Variants in KCNAB3 observed in about 807,000 individuals in gnomAD.
KCNAB3 encodes voltage-gated potassium channel subunit beta-3.
A neutral mutation model predicts 67.7 loss-of-function variants in KCNAB3; 62 were observed. That is an observed-to-expected ratio of 0.92 (90% confidence interval 0.75 to 1.13). KCNAB3 has a LOEUF of 1.13. Ranked by LOEUF, KCNAB3 falls within the 50% of genes most tolerant of loss-of-function variation. The pLI is 0.00. For missense variants in KCNAB3, 514 were observed against 522.9 expected, an observed-to-expected ratio of 0.98 and a Z score of 0.17; for synonymous variants, 212 against 205.4, an observed-to-expected ratio of 1.03 and a Z score of -0.27.
Position 7,924,500 on chromosome 17 carries a change from T to G in KCNAB3, c.626A>C (p.Glu209Ala), listed in dbSNP as rs758893161. 1 of 1,613,066 alleles carries G rather than the reference T, an allele frequency of 6.2e-7. No individual in the cohort carries two copies. The highest frequency in any genetic ancestry group is 1.1e-5 in the South Asian group (1 of 90,992). The change falls in exon 9 of 14, where the codon GAG becomes GCG. Residue 209 changes from glutamate to alanine, a missense_variant and splice_region_variant. Coordinates refer to ENST00000303790, the MANE Select transcript of KCNAB3 (RefSeq NM_004732.4). ...NRSDPNCPME[E>A]IVRAMTYVIN... ...GACATAGGTCATGGCTCGCACAATC[T>G]CTAGGTACACAGGAGAGGGAAAGCC... is the stretch of plus-strand genomic sequence containing the variant.
In KCNAB3 at chr17:7,929,833, C is replaced by CTTCT; in HGVS notation, c.-399_-398insAGAA. 4.9e-6 allele frequency: 5 copies of CTTCT among 1,028,750 alleles called. No homozygotes were observed. The highest frequency in any genetic ancestry group is 3.5e-5 in the South Asian group (1 of 28,582). 63.7% of individuals were successfully genotyped at this position (1,028,750 alleles called of 1,614,324 possible). Reference sequence around the variant, plus strand: ...GCTGCGGGACCCGCTGGGCTCCCAGCCGCGTCGGCAGCGGGCCCAGCTCAT... The same window carrying CTTCT: ...GCTGCGGGACCCGCTGGGCTCCCAGCTTCTCGCGTCGGCAGCGGGCCCAGCTCAT... On this transcript the variant is annotated 5_prime_UTR_variant, in exon 1 of 14. Transcript: ENST00000303790. The surrounding 1 kb of genome is among the most constrained non-coding windows in gnomAD (Gnocchi z 5.7).
In KCNAB3 at chr17:7,929,009, A is replaced by T; in HGVS notation, c.242+185T>A. On this transcript the variant is annotated intron_variant, in intron 1 of 13. Transcript: ENST00000303790. The surrounding 1 kb of genome is among the most constrained non-coding windows in gnomAD (Gnocchi z 5.7). The stretch of plus-strand genomic sequence containing the variant: ...CAACCTTGGTAAACTTGATTCTCGT[A>T]GTCAGGGGTATCGACAGAAACCAAG... 1 of 917,270 alleles carries T rather than the reference A, an allele frequency of 1.1e-6. No individual in the cohort carries two copies. Among genetic ancestry groups the T allele is most frequent in the Non-Finnish European group, 1.6e-6 (1 of 621,866 alleles). 56.8% of individuals were successfully genotyped at this position (917,270 alleles called of 1,614,324 possible). A position where few individuals can be genotyped will look rare whatever the true frequency, so the allele number is the denominator to read the frequency against.
chr17:7,925,030 G>T, intron 8 of KCNAB3, 67 bp downstream of exon 8: 1 of 1,432,308 alleles, frequency 7.0e-7, no homozygotes, highest in Non-Finnish European at 9.8e-7. Flanking sequence ...ACAGGAATGA[G>T]CCACCGCACC....
chr17:7,923,675 G>A, intron 12 of KCNAB3, 36 bp downstream of exon 12: 3 of 1,553,100 alleles, frequency 1.9e-6, no homozygotes, highest in Non-Finnish European at 2.6e-6. Context: ...AGCATGTCAG[G>A]AGGAGACAGG....
In KCNAB3 at chr17:7,925,168, A is replaced by G; in HGVS notation, c.554T>C (p.Leu185Pro). Residue 185 changes from leucine (L) to proline (P), a missense_variant, in exon 8 of 14, where the codon CTG (leucine) becomes CCG (proline). By Grantham distance (98) the Leu-to-Pro change is moderately conservative. Transcript: ENST00000303790. ...CACGTATCCCAGCTGGAGGCGTTCC[A>G]GGGATCCTCGCAAGCCTGGAGGTGG... is the stretch of plus-strand genomic sequence containing the variant. ...KHIIEGLRGS[L>P]ERLQLGYVDI... is the part of the protein sequence containing the mutation. 3 of 1,613,544 alleles carry G rather than the reference A, an allele frequency of 1.9e-6. No individual in the cohort carries two copies. Among genetic ancestry groups the G allele is most frequent in the Non-Finnish European group, 2.5e-6 (3 of 1,179,678 alleles).
rs1450378568 is a variant in KCNAB3 at position 7,929,087 on chromosome 17, G to T, written c.242+107C>A. ...GACAGAAAGAAGAGATGGAAAGAAGGGAGACCTACTTAGTGAAGTTTGAAG... is the reference window on the plus strand; with the variant it reads ...GACAGAAAGAAGAGATGGAAAGAAGTGAGACCTACTTAGTGAAGTTTGAAG... On this transcript the variant is annotated intron_variant, in intron 1 of 13. Coordinates refer to ENST00000303790, the MANE Select transcript of KCNAB3 (RefSeq NM_004732.4). This position sits in a 1 kb window ranked among gnomAD's most constrained non-coding sequence, Gnocchi z 5.7. 2.0e-6 allele frequency: 3 copies of T among 1,481,390 alleles called. No homozygotes were observed. Among genetic ancestry groups the T allele is most frequent in the Non-Finnish European group, 2.7e-6 (3 of 1,106,074 alleles). 91.8% of individuals were successfully genotyped at this position (1,481,390 alleles called of 1,614,324 possible).
At chr17:7,927,483 C>T in intron 3 of KCNAB3, 60 bp from the exon 4 acceptor site, 1 of 1,556,372 alleles carries the variant, frequency 6.4e-7, no homozygotes, top group Non-Finnish European at 8.9e-7. Context: ...CCTCACTGTA[C>T]TCTAACCCAT....
At chr17:7,924,704 G>T (rs1393730348) in intron 8 of KCNAB3, 4 of 1,352,064 alleles carry the variant, frequency 3.0e-6, no homozygotes, top group Non-Finnish European at 2.8e-6. Context: ...CTGAGCAGGG[G>T]CTGGCTTCCT....
Position 7,929,179 on chromosome 17 carries a change from C to T in KCNAB3, c.242+15G>A, listed in dbSNP as rs368947058. On this transcript the variant is annotated intron_variant, in intron 1 of 13. Coordinates refer to ENST00000303790, the MANE Select transcript of KCNAB3 (RefSeq NM_004732.4). The surrounding 1 kb of genome is among the most constrained non-coding windows in gnomAD (Gnocchi z 5.7). Reference sequence around the variant, plus strand: ...AGGAAAGCGGAAGGGGTGGGCTGCCCGGCCACCCCCATACCTGTATTTCAT... The same window carrying T: ...AGGAAAGCGGAAGGGGTGGGCTGCCTGGCCACCCCCATACCTGTATTTCAT... The T allele has an allele frequency of 8.5e-4, 1,361 of 1,610,474 alleles. 1 individual carries two copies. Among genetic ancestry groups the T allele is most frequent in the Non-Finnish European group, 1.1e-3 (1,272 of 1,179,120 alleles).
chr17:7,924,284 A>C lies in KCNAB3; in HGVS notation c.712-19T>G. On this transcript the variant is annotated intron_variant, in intron 9 of 13. Transcript: ENST00000303790. ...AGGCCTCCTGGGTTGGGGTTGGGGAAAAGAAAGTGGTCAGAGCACTACTTC... is the reference window on the plus strand; with the variant it reads ...AGGCCTCCTGGGTTGGGGTTGGGGACAAGAAAGTGGTCAGAGCACTACTTC... The C allele has an allele frequency of 6.2e-7, 1 of 1,613,920 alleles. No individual in the cohort carries two copies. The highest frequency in any genetic ancestry group is 8.5e-7 in the Non-Finnish European group (1 of 1,179,926).
rs1388525184 is a variant in KCNAB3 at position 7,929,239 on chromosome 17, C to T, written c.197G>A (p.Gly66Glu). ...TCGGCCGGTGCTCTCTCGGAGGGCCCCAGCGGGCGCTGGGGGTCGGGGAAC... is the reference window on the plus strand; with the variant it reads ...TCGGCCGGTGCTCTCTCGGAGGGCCTCAGCGGGCGCTGGGGGTCGGGGAAC... The part of the protein sequence containing the change: ...ALVPRPPAPA[G>E]ALRESTGRGT... The change falls in exon 1 of 14, where the codon GGG (glycine) becomes GAG (glutamate). Residue 66 changes from glycine to glutamate, a missense_variant. By Grantham distance (98) the Gly-to-Glu change is moderately conservative (BLOSUM62 -2). Coordinates refer to ENST00000303790, the MANE Select transcript of KCNAB3 (RefSeq NM_004732.4). The surrounding 1 kb of genome is among the most constrained non-coding windows in gnomAD (Gnocchi z 5.7). 5 of 1,610,296 alleles carry T rather than the reference C, an allele frequency of 3.1e-6. No homozygotes were observed. In the South Asian group the frequency reaches 4.4e-5, roughly 14 times the overall value.
At chr17:7,924,748 T>C in intron 8 of KCNAB3, 1 of 1,255,648 alleles carries the variant, frequency 8.0e-7, no homozygotes, top group Non-Finnish European at 1.0e-6. Flanking sequence ...AATTTTTGTA[T>C]TTTAGATTTT....
chr17:7,925,936 TC>T lies in KCNAB3; in HGVS notation c.488del (p.Gly163GlufsTer10), dbSNP rs1567892392. ...SYVITTKIFW[G>X]GQAETERGLS... The stretch of plus-strand genomic sequence containing the variant: ...GCAGTGGGGCAGCCACTTACTGTCC[TC>T]CCCAAAAAATCTTGGTAGTGATGAC... On this transcript the variant is annotated frameshift_variant, in exon 6 of 14. Coordinates refer to ENST00000303790, the MANE Select transcript of KCNAB3 (RefSeq NM_004732.4). LOFTEE classifies it high-confidence loss of function. The T allele has an allele frequency of 6.3e-7, 1 of 1,575,290 alleles. No homozygotes were observed. The highest frequency in any genetic ancestry group is 1.7e-4 in the Middle Eastern group (1 of 5,854).
At chr17:7,928,751 G>A (rs1972321449) in intron 1 of KCNAB3, among the ~76,000 whole-genome samples, 1 of 152,242 alleles carries the variant, frequency 6.6e-6, no homozygotes, top group Admixed American at 6.5e-5. Context: ...AAAGGTCGCA[G>A]AAGACCTAGC....
In KCNAB3 at chr17:7,927,688, C is replaced by T. The variant is rs776619081; in HGVS notation, c.293G>A (p.Trp98Ter). Residue 98 changes from tryptophan to a stop codon, truncating the protein, a stop_gained, in exon 3 of 14, where the codon TGG becomes TAG. Transcript: ENST00000303790. LOFTEE classifies it high-confidence loss of function. ...LRVSCLGLGT[W>*]VTFGSQISDE... Reference sequence around the variant, plus strand: ...TGAGATCTGAGAACCAAATGTGACCCAGGTACCTGCAAGAGAGAAGCCAGG... The same window carrying T: ...TGAGATCTGAGAACCAAATGTGACCTAGGTACCTGCAAGAGAGAAGCCAGG... 2 of 1,614,162 alleles carry T rather than the reference C, an allele frequency of 1.2e-6. No individual in the cohort carries two copies. Among genetic ancestry groups the T allele is most frequent in the South Asian group, 1.1e-5 (1 of 91,082 alleles).
rs1326276089 is a variant in KCNAB3, at chr17:7,929,687, G to A, written c.-252C>T. 1.3e-5 allele frequency: 18 copies of A among 1,389,328 alleles called. No homozygotes were observed. Among genetic ancestry groups the A allele is most frequent in the African/African-American group, 3.0e-5 (2 of 66,434 alleles). 86.1% of individuals were successfully genotyped at this position (1,389,328 alleles called of 1,614,324 possible). On this transcript the variant is annotated 5_prime_UTR_variant, in exon 1 of 14. Transcript: ENST00000303790. This position sits in a 1 kb window ranked among gnomAD's most constrained non-coding sequence, Gnocchi z 5.7. ...GAGATATTCAGTTACGGGGGACACA[G>A]GAGCAAGGATTAGGAGGGGGAAATG...
At chr17:7,924,524 C>A (rs2151715279) in intron 8 of KCNAB3, 24 bp from the exon 9 acceptor site, 1 of 1,597,848 alleles carries the variant, frequency 6.3e-7, no homozygotes. Flanking sequence ...AGAGGGAAAG[C>A]CTTACTGTCA....
chr17:7,923,294 C>A, intron 13 of KCNAB3, 115 bp from the exon 14 acceptor site: 2 of 1,276,132 alleles, frequency 1.6e-6, no homozygotes, highest in Non-Finnish European at 2.3e-6. Context: ...AGGCAAGAGC[C>A]GCAGCTGTGC....
chr17:7,928,853 G>T (rs1972326549), intron 1 of KCNAB3, among the ~76,000 whole-genome samples: 1 of 152,126 alleles, frequency 6.6e-6, no homozygotes, highest in Non-Finnish European at 1.5e-5. Context: ...CCAGGACACG[G>T]ACCCAAGGAC....
Sources: gnomAD v4.1 joint callset for allele counts (sites outside exome capture counted in the v4.1 genomes callset) on GRCh38, gnomAD v4.1.1 for gene constraint, Gnocchi (gnomAD v3.1) non-coding constraint, MANE v1.5 for transcripts, NCBI Gene and HGNC (gene_info 2026-07-23, HGNC 2026-07-21) for gene names.